The following PTPRT variants were observed in gnomAD, a reference collection of about 807,000 sequenced individuals.
PTPRT encodes protein tyrosine phosphatase receptor type T, also known as receptor-type tyrosine-protein phosphatase T.
PTPRT carries 56 observed loss-of-function variants against 176.8 expected under a neutral mutation model. That is an observed-to-expected ratio of 0.32 (90% CI 0.26 to 0.40). PTPRT has a LOEUF of 0.40. Ranked by LOEUF, PTPRT falls within the 10% of genes least tolerant of loss-of-function variation. The probability of loss-of-function intolerance (pLI) is 1.00; values close to 1 mark genes in which losing one functional copy is unlikely to be tolerated. For missense variants in PTPRT, 1,540 were observed against 1,908.2 expected (o/e 0.81, Z 3.60); for synonymous variants, 783 against 739.0 (o/e 1.06, Z -0.96).
chr20:42,734,859 A>G (rs1237174894), intron 6 of PTPRT, among the ~76,000 whole-genome samples: 4 of 152,096 alleles, frequency 2.6e-5, no homozygotes, highest in Non-Finnish European at 5.9e-5. Flanking sequence ...ACCTCCTGAA[A>G]TCTCTCCTGG....
intron 9 of PTPRT, among the ~76,000 whole-genome samples, chr20:42,431,028 G>A (rs1267028277): frequency 2.0e-5 from 3 of 152,146 alleles, no homozygotes; most frequent in Non-Finnish European, 2.9e-5. Context: ...TCGTGTGTGC[G>A]GTGGGGGTGG....
chr20:43,033,527 T>C (rs1293371780), intron 1 of PTPRT, among the ~76,000 whole-genome samples: 1 of 152,164 alleles, frequency 6.6e-6, no homozygotes, highest in African/African-American at 2.4e-5. Context: ...GTGCATCTGC[T>C]TCTGGACTCC....
At chr20:42,551,247 G>T (rs1027479184) in intron 7 of PTPRT, among the ~76,000 whole-genome samples, 1 of 151,994 alleles carries the variant, frequency 6.6e-6, no homozygotes, top group Non-Finnish European at 1.5e-5. Context: ...CATCTGCCTT[G>T]TTACTCTATC....
intron 2 of PTPRT, among the ~76,000 whole-genome samples, chr20:42,834,478 T>C (rs1219320725): frequency 6.6e-6 from 1 of 152,136 alleles, no homozygotes; most frequent in South Asian, 2.1e-4. Flanking sequence ...TGAAGTCAAA[T>C]ATACATTTAT....
At chr20:42,685,584 A>G (rs1402561510) in intron 6 of PTPRT, 1 of 152,202 alleles carries the variant, frequency 6.6e-6, no homozygotes, top group East Asian at 1.9e-4. Flanking sequence ...ATCATCCTGA[A>G]AAGGGACATC....
chr20:42,102,407 C>A lies in PTPRT; in HGVS notation c.3541-110G>T, dbSNP rs536932408. The A allele has an allele frequency of 3.5e-6, 4 of 1,149,552 alleles. No homozygotes were observed. In the Middle Eastern group the frequency reaches 8.5e-4, roughly 244 times the overall value. The allele number at this position is 1,149,552 out of a possible 1,614,324, so 71.2% of individuals were successfully genotyped here. On this transcript the variant is annotated intron_variant, in intron 25 of 30. Coordinates refer to ENST00000373187, the MANE Select transcript of PTPRT (RefSeq NM_007050.6). ...AACTCGCCTATTTCCACCCTCTAAGCGCAGCCCCACTCTCCCTTTCCCGGG... is the reference window on the plus strand; with the variant it reads ...AACTCGCCTATTTCCACCCTCTAAGAGCAGCCCCACTCTCCCTTTCCCGGG...
the PTPRT span, among the ~76,000 whole-genome samples, chr20:42,053,122 G>T: frequency 6.6e-6 from 1 of 152,162 alleles, no homozygotes; most frequent in African/African-American, 2.4e-5. Context: ...CTGAATTAGA[G>T]CTTGGGACCT....
intron 9 of PTPRT, among the ~76,000 whole-genome samples, chr20:42,368,497 G>A (rs569273615): frequency 6.6e-5 from 10 of 152,170 alleles, no homozygotes; most frequent in African/African-American, 2.4e-4. Flanking sequence ...CAGAGACAAG[G>A]TAACCCGCTG....
chr20:42,652,678 T>C (rs1165061828), intron 7 of PTPRT, among the ~76,000 whole-genome samples: 3 of 152,138 alleles, frequency 2.0e-5, no homozygotes, highest in Non-Finnish European at 2.9e-5. Context: ...GTGCCTCTGA[T>C]AGCAGGCCAA....
At chr20:42,675,373 C>T (rs2075484271) in intron 7 of PTPRT, among the ~76,000 whole-genome samples, 1 of 152,078 alleles carries the variant, frequency 6.6e-6, no homozygotes, top group African/African-American at 2.4e-5. Context: ...AGTCCAAACA[C>T]AAAATTCATT....
intron 1 of PTPRT, among the ~76,000 whole-genome samples, chr20:43,043,561 T>A (rs1334942191): frequency 6.6e-6 from 1 of 152,188 alleles, no homozygotes; most frequent in Non-Finnish European, 1.5e-5. Context: ...AGAGCAGAAC[T>A]CATTTTCCTA....
the PTPRT span, among the ~76,000 whole-genome samples, chr20:42,040,545 A>G: frequency 2.5e-3 from 387 of 152,298 alleles, 1 homozygote; most frequent in Non-Finnish European, 4.8e-3. Flanking sequence ...CTCACCATCC[A>G]GATAGGAATT....
chr20:42,300,257 C>CAA (rs761176814), intron 12 of PTPRT, among the ~76,000 whole-genome samples: 654 of 47,518 alleles, frequency 0.014, 2 homozygotes, highest in African/African-American at 0.022. Flanking sequence ...AACTCCGTCT[C>CAA]AAAAAAAAAA....
intron 2 of PTPRT, among the ~76,000 whole-genome samples, chr20:42,820,985 CA>C (rs748745875): frequency 1.8e-4 from 27 of 152,144 alleles, no homozygotes; most frequent in Admixed American, 3.3e-4. Flanking sequence ...ACCTGAAATG[CA>C]AACAGGAGCT....
chr20:43,074,846 G>A lies in PTPRT; in HGVS notation c.88+114800C>T, dbSNP rs1232464955. Among the ~76,000 whole-genome samples, 9 of 152,186 alleles carry A rather than the reference G, an allele frequency of 5.9e-5. No individual in the cohort carries two copies. The East Asian group carries it at 1.2e-3, about 20-fold the overall frequency. The stretch of plus-strand genomic sequence containing the variant: ...GACCACTAGAAAATGGAAGGATATC[G>A]ATCTTCCTTTTACTCCTCCAACATT... On this transcript the variant is annotated intron_variant, in intron 1 of 30. Coordinates refer to ENST00000373187, the MANE Select transcript of PTPRT (RefSeq NM_007050.6).
intron 2 of PTPRT, among the ~76,000 whole-genome samples, chr20:42,858,630 T>C (rs1225001305): frequency 2.6e-5 from 4 of 152,076 alleles, no homozygotes; most frequent in Admixed American, 6.5e-5. Context: ...TGAAGAGAGA[T>C]CTCACGAGAT....
chr20:42,543,453 G>C (rs567190845), intron 7 of PTPRT, among the ~76,000 whole-genome samples: 2 of 151,994 alleles, frequency 1.3e-5, no homozygotes, highest in African/African-American at 4.8e-5. Context: ...ATATCTTCAG[G>C]CTTCATATCT....
At chr20:42,765,628 A>G (rs2076971818) in intron 5 of PTPRT, among the ~76,000 whole-genome samples, 1 of 152,052 alleles carries the variant, frequency 6.6e-6, no homozygotes, top group African/African-American at 2.4e-5. Context: ...ATTACAATCA[A>G]GTGTCTTAAT....
At chr20:43,031,530 T>C (rs1030551181) in intron 1 of PTPRT, among the ~76,000 whole-genome samples, 1 of 152,198 alleles carries the variant, frequency 6.6e-6, no homozygotes, top group African/African-American at 2.4e-5. Flanking sequence ...CGTTATAGAA[T>C]GCTGAAGGGA....
Sources: gnomAD v4.1 joint callset for allele counts (sites outside exome capture counted in the v4.1 genomes callset) on GRCh38, gnomAD v4.1.1 for gene constraint, MANE v1.5 for transcripts, NCBI Gene and HGNC (gene_info 2026-07-23, HGNC 2026-07-21) for gene names.